ZNF385D: variants seen among roughly 807,000 people sequenced by gnomAD.
The protein encoded by ZNF385D is zinc finger protein 385D, also known as zinc finger protein 659.
In ZNF385D, 15 loss-of-function variants were observed where a neutral mutation model predicts 35.8. The ratio of observed to expected loss-of-function variants is 0.42; its 90% confidence interval spans 0.28 to 0.64. The LOEUF (loss-of-function observed/expected upper bound fraction) is 0.64, where lower values mean the gene tolerates loss of function less well. Among genes scored for constraint, ZNF385D ranks in the 30% least tolerant of loss-of-function variants. The pLI, the probability that ZNF385D is intolerant of heterozygous loss-of-function variation, is 0.23. For missense variants in ZNF385D, 474 were observed against 494.6 expected (o/e 0.96, Z 0.39); for synonymous variants, 212 against 186.8 (o/e 1.13, Z -1.10).
At chr3:21,636,289 G>T (rs1024601252) in intron 2 of ZNF385D, among the ~76,000 whole-genome samples, 2 of 146,626 alleles carry the variant, frequency 1.4e-5, no homozygotes, top group African/African-American at 5.0e-5. Context: ...TCTCTAGAGG[G>T]ACAGAGCTAA....
At chr3:22,067,087 C>A (rs1699997402) in intron 3 of ZNF385D, among the ~76,000 whole-genome samples, 1 of 152,126 alleles carries the variant, frequency 6.6e-6, no homozygotes, top group Non-Finnish European at 1.5e-5. Flanking sequence ...TTCCAATTTA[C>A]ATTAGTTAGA....
At position 21,664,987 on chromosome 3, in the gene ZNF385D, G is replaced by A. The variant is rs1254145219; in HGVS notation, c.64C>T (p.Pro22Ser). The A allele has an allele frequency of 6.2e-6, 10 of 1,613,426 alleles. No homozygotes were observed. Residue 22 changes from proline to serine, a missense_variant, in exon 2 of 8, where the codon CCA becomes TCA. Pro to Ser is a moderately conservative substitution (Grantham distance 74). Transcript: ENST00000281523. ...QSPALPALVRPPAPPLQPSLD... is the reference protein window; with the variant it reads ...QSPALPALVRSPAPPLQPSLD... ...GATGGTTGCAAAGGAGGGGCTGGTGGACGGACAAGGGCCGGGAGAGCAGGA... is the reference window on the plus strand; with the variant it reads ...GATGGTTGCAAAGGAGGGGCTGGTGAACGGACAAGGGCCGGGAGAGCAGGA...
intron 3 of ZNF385D, among the ~76,000 whole-genome samples, chr3:21,879,144 G>A (rs2125860236): frequency 6.6e-6 from 1 of 152,106 alleles, no homozygotes; most frequent in South Asian, 2.1e-4. Context: ...GGAAACAAAT[G>A]ATATGAAAAT....
intron 2 of ZNF385D, among the ~76,000 whole-genome samples, chr3:22,242,687 G>C (rs1191689666): frequency 1.3e-5 from 2 of 150,656 alleles, no homozygotes; most frequent in Admixed American, 6.6e-5. Context: ...ACTGCATCCT[G>C]GAACATTAAC....
chr3:21,433,702 C>A (rs1207751071), intron 5 of ZNF385D, among the ~76,000 whole-genome samples: 5 of 152,144 alleles, frequency 3.3e-5, no homozygotes, highest in Non-Finnish European at 7.4e-5. Flanking sequence ...ACGGCCTAGG[C>A]AAACTACTTT....
intron 1 of ZNF385D, among the ~76,000 whole-genome samples, chr3:21,681,370 A>C (rs2066902944): frequency 6.6e-6 from 1 of 150,664 alleles, no homozygotes; most frequent in Non-Finnish European, 1.5e-5. Context: ...GGCATGAAAC[A>C]AATTATGTTA....
chr3:21,714,252 C>G (rs2068226945), intron 1 of ZNF385D, among the ~76,000 whole-genome samples: 1 of 152,166 alleles, frequency 6.6e-6, no homozygotes, highest in South Asian at 2.1e-4. Flanking sequence ...AACTACCTTT[C>G]CTGACACTTA....
intron 2 of ZNF385D, among the ~76,000 whole-genome samples, chr3:22,231,255 C>G (rs1381479423): frequency 6.6e-6 from 1 of 152,170 alleles, no homozygotes; most frequent in Non-Finnish European, 1.5e-5. Flanking sequence ...TCTGGAAGCC[C>G]ACACCAAGGG....
intron 2 of ZNF385D, among the ~76,000 whole-genome samples, chr3:22,262,782 G>A (rs1700702351): frequency 6.6e-6 from 1 of 151,752 alleles, no homozygotes. Flanking sequence ...GATAATTGAG[G>A]TAAAATTAAC....
chr3:22,201,751 GGTAA>G (rs1696815157), intron 2 of ZNF385D, among the ~76,000 whole-genome samples: 1 of 151,638 alleles, frequency 6.6e-6, no homozygotes, highest in South Asian at 2.1e-4. Context: ...AGGAAGGCAT[GGTAA>G]GTAAGCACAC....
intron 2 of ZNF385D, among the ~76,000 whole-genome samples, chr3:22,305,561 G>C (rs545084213): frequency 6.6e-6 from 1 of 152,120 alleles, no homozygotes; most frequent in South Asian, 2.1e-4. Flanking sequence ...CTACCTCCTG[G>C]AGCATCATCA....
intron 2 of ZNF385D, among the ~76,000 whole-genome samples, chr3:22,331,125 T>A (rs1357350117): frequency 6.6e-6 from 1 of 152,232 alleles, no homozygotes; most frequent in African/African-American, 2.4e-5. Context: ...TAAATTGATT[T>A]AAGAACTGAC....
chr3:22,032,339 C>G (rs1004322760), intron 3 of ZNF385D, among the ~76,000 whole-genome samples: 2 of 152,176 alleles, frequency 1.3e-5, no homozygotes, highest in African/African-American at 4.8e-5. Context: ...GCAAGTACTT[C>G]TTGACAAGGC....
At chr3:21,959,773 A>G (rs13095013) in intron 3 of ZNF385D, among the ~76,000 whole-genome samples, 103,903 of 151,998 alleles carry the variant, frequency 0.68, 36,679 homozygotes, top group Non-Finnish European at 0.77. Flanking sequence ...CCCTCACTCC[A>G]AGGCAAAATA....
chr3:22,154,417 C>T (rs1705454791), intron 3 of ZNF385D, among the ~76,000 whole-genome samples: 1 of 152,162 alleles, frequency 6.6e-6, no homozygotes, highest in African/African-American at 2.4e-5. Context: ...CATTTCTCAA[C>T]TCAGCTACAG....
At chr3:21,940,142 G>T (rs476982) in intron 3 of ZNF385D, among the ~76,000 whole-genome samples, 28,966 of 152,004 alleles carry the variant, frequency 0.19, 3,483 homozygotes, top group East Asian at 0.4. Flanking sequence ...TATTTTATAA[G>T]TTTCTGACAA....
intron 3 of ZNF385D, among the ~76,000 whole-genome samples, chr3:21,922,714 G>A (rs259515): frequency 0.19 from 28,444 of 152,066 alleles, 3,410 homozygotes; most frequent in East Asian, 0.39. Flanking sequence ...ACACCATCCA[G>A]GACATCTGCT....
intron 2 of ZNF385D, among the ~76,000 whole-genome samples, chr3:22,207,500 T>C (rs940561278): frequency 6.6e-6 from 1 of 151,894 alleles, no homozygotes; most frequent in Non-Finnish European, 1.5e-5. Flanking sequence ...TAATAAAATA[T>C]TGGGAAAACT....
chr3:22,370,975 C>T (rs1382527020), intron 2 of ZNF385D, among the ~76,000 whole-genome samples: 1 of 152,170 alleles, frequency 6.6e-6, no homozygotes, highest in Admixed American at 6.5e-5. Flanking sequence ...AATACATTAA[C>T]TCAAGATGTT....
Sources: allele counts gnomAD v4.1 joint callset (sites outside exome capture counted in the v4.1 genomes callset), GRCh38; gene constraint gnomAD v4.1.1; transcripts MANE v1.5; gene names NCBI Gene and HGNC (gene_info 2026-07-23, HGNC 2026-07-21).